The following USP24 variants were observed in gnomAD, a reference collection of about 807,000 sequenced individuals.
The protein encoded by USP24 is ubiquitin specific peptidase 24.
USP24 carries 97 observed loss-of-function variants against 361.6 expected under a neutral mutation model. The ratio of observed to expected loss-of-function variants is 0.27; its 90% CI spans 0.23 to 0.32. The LOEUF (loss-of-function observed/expected upper bound fraction) is 0.32, where lower values mean the gene tolerates loss of function less well. USP24 is among the 10% of genes least tolerant of loss of function. The pLI is 1.00. For synonymous variants in USP24, 1,098 were observed against 1,124.6 expected (o/e 0.98, Z 0.47); for missense variants, 2,353 against 3,165.6 (o/e 0.74, Z 6.16).
chr1:55,137,163 C>T (rs777886428), intron 28 of USP24, among the ~76,000 whole-genome samples: 3 of 152,166 alleles, frequency 2.0e-5, no homozygotes, highest in Admixed American at 6.5e-5. Context: ...AGCGATCACA[C>T]GTATCAGCTT....
Position 55,132,677 on chromosome 1 carries a change from A to G in USP24, c.3405T>C (p.Ser1135=), listed in dbSNP as rs745425353. The G allele has an allele frequency of 6.2e-7, 1 of 1,613,468 alleles. No homozygotes were observed. The highest frequency in any genetic ancestry group is 1.3e-5 in the African/African-American group (1 of 75,034). The change falls in exon 31 of 68, where the codon AGT becomes AGC. Residue 1135 remains serine (S), a synonymous_variant. Coordinates refer to ENST00000294383, the MANE Select transcript of USP24 (RefSeq NM_015306.3). ...GRKKTLLSES[S]SQSSKSPSLS... is the part of the protein sequence containing the mutation. ...GGGATGGAGATTTTGAGGACTGAGAACTTGATTCAGACAGCAATGTTTTCT... is the reference window on the plus strand; with the variant it reads ...GGGATGGAGATTTTGAGGACTGAGAGCTTGATTCAGACAGCAATGTTTTCT...
chr1:55,156,879 A>C, intron 12 of USP24, 69 bp downstream of exon 12: 1 of 1,112,166 alleles, frequency 9.0e-7, no homozygotes, highest in Non-Finnish European at 1.4e-6. Context: ...CTGCTCTCTC[A>C]TCACCCTTTT....
chr1:55,182,676 T>C (rs762836367), intron 1 of USP24, among the ~76,000 whole-genome samples: 7 of 152,148 alleles, frequency 4.6e-5, no homozygotes, highest in African/African-American at 1.7e-4. Flanking sequence ...CAAAAATGTA[T>C]AACCTGAATC....
intron 26 of USP24, 113 bp from the exon 27 acceptor site, chr1:55,138,017 G>T (rs1646786122): frequency 9.8e-7 from 1 of 1,018,260 alleles, no homozygotes; most frequent in South Asian, 1.6e-5. Context: ...TGGGAACACA[G>T]CAGAGAACAT....
chr1:55,115,773 C>T (rs1354753720), intron 38 of USP24, among the ~76,000 whole-genome samples: 2 of 152,084 alleles, frequency 1.3e-5, no homozygotes, highest in Non-Finnish European at 2.9e-5. Flanking sequence ...AACCCAAATG[C>T]CCATCAATGA....
chr1:55,175,267 C>T lies in USP24; in HGVS notation c.558+1109G>A, dbSNP rs115162803. On this transcript the variant is annotated intron_variant, in intron 3 of 67. Transcript: ENST00000294383. ...TTTGAGACGGAGCCTCGCACTGTCA[C>T]GCGGGCTGGAGTGCAATGGTGTGAT... is the stretch of plus-strand genomic sequence containing the variant. 3.3e-3 allele frequency among the ~76,000 whole-genome samples: 473 copies of T among 142,784 alleles called. 3 individuals are homozygous for T. The highest frequency in any genetic ancestry group is 0.012 in the African/African-American group (452 of 37,854). The allele number at this position is 142,784 out of a possible 152,430, so 93.7% of individuals were successfully genotyped here. A position where few individuals can be genotyped will look rare whatever the true frequency, so the allele number is the denominator to read the frequency against.
At chr1:55,078,247 A>T (rs1645070772) in intron 61 of USP24, among the ~76,000 whole-genome samples, 1 of 152,218 alleles carries the variant, frequency 6.6e-6, no homozygotes, top group African/African-American at 2.4e-5. Flanking sequence ...GGTGATGACC[A>T]CAGTAGACTC....
intron 3 of USP24, among the ~76,000 whole-genome samples, chr1:55,173,352 A>G (rs1649638697): frequency 6.6e-6 from 1 of 152,210 alleles, no homozygotes; most frequent in Non-Finnish European, 1.5e-5. Context: ...ATAAAACATC[A>G]AATATAAAAC....
At chr1:55,157,482 A>G (rs1647797905) in intron 10 of USP24, 112 bp from the exon 11 acceptor site, 3 of 581,756 alleles carry the variant, frequency 5.2e-6, no homozygotes, top group Non-Finnish European at 8.7e-6. Flanking sequence ...TAGCCAAAAT[A>G]TATCAAAGGC....
chr1:55,172,727 A>G (rs1415295059), intron 3 of USP24, among the ~76,000 whole-genome samples: 1 of 152,182 alleles, frequency 6.6e-6, no homozygotes, highest in Non-Finnish European at 1.5e-5. Context: ...TTGAATTTTA[A>G]TTCTCTTGCA....
intron 24 of USP24, among the ~76,000 whole-genome samples, chr1:55,140,355 A>C (rs926578092): frequency 8.5e-5 from 13 of 152,218 alleles, no homozygotes; most frequent in African/African-American, 2.4e-4. Flanking sequence ...AGATGGCTAC[A>C]TATTACAAAC....
chr1:55,077,419 A>G (rs1228727589), intron 61 of USP24, 119 bp from the exon 62 acceptor site: 4 of 740,442 alleles, frequency 5.4e-6, no homozygotes, highest in Non-Finnish European at 2.0e-6. Flanking sequence ...ACAAGTCAAT[A>G]CTGCTTTCTA....
At chr1:55,132,027 A>T (rs1646607493) in intron 31 of USP24, among the ~76,000 whole-genome samples, 1 of 152,192 alleles carries the variant, frequency 6.6e-6, no homozygotes. Context: ...AAGATCTTGG[A>T]GTGAGTAACT....
chr1:55,215,239 G>C lies in USP24; in HGVS notation c.-126C>G. 1 of 770,242 alleles carries C rather than the reference G, an allele frequency of 1.3e-6. No homozygotes were observed. The allele number at this position is 770,242 out of a possible 1,614,324, so 47.7% of individuals were successfully genotyped here. A position where few individuals can be genotyped will look rare whatever the true frequency, so the allele number is the denominator to read the frequency against. ...GGTTGGCCCCTGCGTTCCTGCCCCG[G>C]GTGCTCCGCAGCAGCCGGGCCAGGC... On this transcript the variant is annotated 5_prime_UTR_variant, in exon 1 of 68. Coordinates refer to ENST00000294383, the MANE Select transcript of USP24 (RefSeq NM_015306.3).
At chr1:55,135,358 T>C (rs1646704405) in intron 28 of USP24, among the ~76,000 whole-genome samples, 1 of 152,148 alleles carries the variant, frequency 6.6e-6, no homozygotes, top group South Asian at 2.1e-4. Context: ...AAATCTGAAA[T>C]GTGAAATTCT....
intron 55 of USP24, among the ~76,000 whole-genome samples, chr1:55,087,582 G>A (rs1328966868): frequency 2.0e-5 from 3 of 152,190 alleles, no homozygotes; most frequent in Non-Finnish European, 2.9e-5. Flanking sequence ...AGGGACAGGC[G>A]TACAGCACAC....
At chr1:55,136,252 G>C (rs1304075124) in intron 28 of USP24, among the ~76,000 whole-genome samples, 1 of 152,114 alleles carries the variant, frequency 6.6e-6, no homozygotes, top group Non-Finnish European at 1.5e-5. Context: ...GCACAGGGAA[G>C]AGCAAATTCA....
chr1:55,101,038 T>G (rs989089888), intron 43 of USP24, 74 bp from the exon 44 acceptor site: 32 of 1,505,296 alleles, frequency 2.1e-5, no homozygotes, highest in Non-Finnish European at 2.8e-5. Context: ...TATGTACATG[T>G]TAGTACCCAC....
intron 22 of USP24, 41 bp downstream of exon 22, chr1:55,142,938 G>T: frequency 6.9e-7 from 1 of 1,455,220 alleles, no homozygotes; most frequent in South Asian, 1.3e-5. Context: ...ATAATTTTCT[G>T]CTTTTTTGTA....
Sources: gnomAD v4.1 joint callset for allele counts (sites outside exome capture counted in the v4.1 genomes callset) on GRCh38, gnomAD v4.1.1 for gene constraint, MANE v1.5 for transcripts, NCBI Gene and HGNC (gene_info 2026-07-23, HGNC 2026-07-21) for gene names.